Variants in FUT8 observed in about 807,000 individuals in gnomAD.
FUT8 encodes the protein fucosyltransferase 8.
Under a neutral mutation model 71.3 loss-of-function variants are expected in FUT8, and 29 were observed. The observed-to-expected ratio is 0.41, with a 90% CI of 0.30 to 0.55. The LOEUF (loss-of-function observed/expected upper bound fraction) is 0.55, where lower values mean the gene tolerates loss of function less well. Ranked by LOEUF, FUT8 falls within the 20% of genes least tolerant of loss-of-function variation. FUT8 has a pLI of 0.34. For missense variants in FUT8, 544 were observed against 702.1 expected (o/e 0.77, Z 2.55); for synonymous variants, 254 against 239.3 (o/e 1.06, Z -0.57).
intron 6 of FUT8, among the ~76,000 whole-genome samples, chr14:65,634,869 A>G (rs556853957): frequency 6.6e-6 from 1 of 152,304 alleles, no homozygotes; most frequent in South Asian, 2.1e-4. Flanking sequence ...TCTGTGAAGA[A>G]TGATGGCGGT....
the FUT8 span, among the ~76,000 whole-genome samples, chr14:65,381,535 G>T: frequency 1.3e-5 from 2 of 152,190 alleles, no homozygotes; most frequent in African/African-American, 2.4e-5. Flanking sequence ...CTGGCACATG[G>T]AAAGCGTCAG....
chr14:65,704,699 A>G (rs1790150365), intron 7 of FUT8, among the ~76,000 whole-genome samples: 1 of 152,234 alleles, frequency 6.6e-6, no homozygotes, highest in South Asian at 2.1e-4. Context: ...TTATATGTTT[A>G]TAAGTTAAAT....
chr14:65,589,094 CA>C (rs1038692742), intron 3 of FUT8, among the ~76,000 whole-genome samples: 1 of 152,108 alleles, frequency 6.6e-6, no homozygotes, highest in African/African-American at 2.4e-5. Context: ...CAGTGTTACA[CA>C]AAAGACAGAC....
At chr14:65,541,258 A>G (rs1013939781) in intron 2 of FUT8, among the ~76,000 whole-genome samples, 11 of 152,226 alleles carry the variant, frequency 7.2e-5, no homozygotes, top group Non-Finnish European at 1.2e-4. Context: ...CTAGAGAAAC[A>G]GTACCAATAG....
chr14:65,511,490 G>T (rs1275627699), intron 2 of FUT8, among the ~76,000 whole-genome samples: 1 of 151,776 alleles, frequency 6.6e-6, no homozygotes, highest in Non-Finnish European at 1.5e-5. Context: ...AAAGTGGGAT[G>T]TTGAAATCTC....
chr14:65,536,518 G>A (rs1432992441), intron 2 of FUT8, among the ~76,000 whole-genome samples: 2 of 152,108 alleles, frequency 1.3e-5, no homozygotes, highest in Non-Finnish European at 2.9e-5. Flanking sequence ...ATGAAGTTTA[G>A]TTTGGCCAGT....
In FUT8 at chr14:65,706,886, A is replaced by G. The variant is rs555571107; in HGVS notation, c.836-14889A>G. Among the ~76,000 whole-genome samples, 6 of 152,258 alleles carry G rather than the reference A, an allele frequency of 3.9e-5. No homozygotes were observed. The South Asian group carries it at 6.2e-4, about 16-fold the overall frequency. On this transcript the variant is annotated intron_variant, in intron 7 of 10. Transcript: ENST00000673929. The stretch of plus-strand genomic sequence containing the variant: ...GTTCCTGAAATAATCAGTAATAACC[A>G]TATTAATTCATGTTGAACGGGGCTA...
chr14:65,580,026 A>G (rs569535149), intron 3 of FUT8, among the ~76,000 whole-genome samples: 3 of 150,764 alleles, frequency 2.0e-5, no homozygotes, highest in Non-Finnish European at 4.4e-5. Context: ...GCTTCCCTGC[A>G]CTATGGGAAG....
At chr14:65,508,060 T>TTA (rs1226555300) in intron 2 of FUT8, among the ~76,000 whole-genome samples, 2 of 145,982 alleles carry the variant, frequency 1.4e-5, no homozygotes, top group Admixed American at 1.4e-4. Flanking sequence ...ATCAGTGATG[T>TTA]TAAACACTTT....
rs968014024 is a variant in FUT8, at chr14:65,467,721, G to A, written c.-228+12003G>A. ...GAACTCCTGACCTCATGGTCTGCCC[G>A]CCTCAGCCTCCCAAAGTGCTGGGAT... On this transcript the variant is annotated intron_variant, in intron 2 of 10. Coordinates refer to ENST00000673929, the MANE Select transcript of FUT8 (RefSeq NM_001371533.1). This position sits in a 1 kb window ranked among gnomAD's most constrained non-coding sequence, Gnocchi z 4.1. The A allele has an allele frequency of 3.8e-5, 17 of 447,804 alleles. No individual in the cohort carries two copies. The highest frequency in any genetic ancestry group is 6.7e-4 in the Middle Eastern group (1 of 1,498). 27.7% of individuals were successfully genotyped at this position (447,804 alleles called of 1,614,324 possible). A position where few individuals can be genotyped will look rare whatever the true frequency, so the allele number is the denominator to read the frequency against.
intron 6 of FUT8, among the ~76,000 whole-genome samples, chr14:65,661,904 G>A (rs191160916): frequency 2.6e-5 from 4 of 152,270 alleles, no homozygotes; most frequent in East Asian, 1.9e-4. Context: ...ATATCTCAGC[G>A]TTATGATGGT....
intron 6 of FUT8, among the ~76,000 whole-genome samples, chr14:65,663,140 A>G (rs991027211): frequency 6.6e-6 from 1 of 152,056 alleles, no homozygotes; most frequent in Non-Finnish European, 1.5e-5. Context: ...GCAGGCATCA[A>G]CTGGATAGTA....
intron 7 of FUT8, among the ~76,000 whole-genome samples, chr14:65,710,547 C>T (rs1894764087): frequency 6.6e-6 from 1 of 151,976 alleles, no homozygotes; most frequent in African/African-American, 2.4e-5. Flanking sequence ...GTTTACTAGA[C>T]AGTAGCGTGT....
intron 2 of FUT8, among the ~76,000 whole-genome samples, chr14:65,498,571 A>G (rs1056287426): frequency 1.3e-5 from 2 of 152,114 alleles, no homozygotes; most frequent in Non-Finnish European, 2.9e-5. Context: ...TGCTTTAAAT[A>G]CTCATAGAAT....
intron 2 of FUT8, among the ~76,000 whole-genome samples, chr14:65,512,676 C>T (rs1348896672): frequency 2.6e-5 from 4 of 151,598 alleles, no homozygotes; most frequent in Non-Finnish European, 4.4e-5. Flanking sequence ...TTTGGGAGGC[C>T]GAGGCGGGTG....
chr14:65,534,836 G>A (rs1226149469), intron 2 of FUT8, among the ~76,000 whole-genome samples: 3 of 150,992 alleles, frequency 2.0e-5, no homozygotes, highest in Non-Finnish European at 2.9e-5. Flanking sequence ...CTAGCTAGTG[G>A]TCTATGAATC....
intron 6 of FUT8, among the ~76,000 whole-genome samples, chr14:65,632,874 A>G (rs1254628381): frequency 6.6e-6 from 1 of 152,060 alleles, no homozygotes; most frequent in Non-Finnish European, 1.5e-5. Context: ...TCCTTATTCC[A>G]TCTTGAGTTG....
chr14:65,617,289 C>G (rs978963835), intron 5 of FUT8: 1 of 1,275,820 alleles, frequency 7.8e-7, no homozygotes, highest in Non-Finnish European at 1.0e-6. Flanking sequence ...AAAAATCTGT[C>G]TATTGGAATC....
chr14:65,425,348 A>G (rs1185823168), intron 1 of FUT8, among the ~76,000 whole-genome samples: 3 of 151,420 alleles, frequency 2.0e-5, no homozygotes, highest in Non-Finnish European at 2.9e-5. Context: ...TTGTATTTTT[A>G]GTAGAGACAG....
Sources: gnomAD v4.1 joint callset for allele counts (sites outside exome capture counted in the v4.1 genomes callset) on GRCh38, gnomAD v4.1.1 for gene constraint, Gnocchi (gnomAD v3.1) non-coding constraint, MANE v1.5 for transcripts, NCBI Gene and HGNC (gene_info 2026-07-23, HGNC 2026-07-21) for gene names.